Variants in HSPA12A observed in about 807,000 individuals in gnomAD.
HSPA12A encodes the protein heat shock 70 kDa protein 12A.
Under a neutral mutation model 69.2 loss-of-function variants are expected in HSPA12A, and 28 were observed. The observed-to-expected ratio is 0.40, with a 90% confidence interval of 0.30 to 0.55. The LOEUF is 0.55. Among genes scored for constraint, HSPA12A ranks in the 20% least tolerant of loss-of-function variants. HSPA12A has a pLI of 0.38. For synonymous variants in HSPA12A, 345 were observed against 370.5 expected, an observed-to-expected ratio of 0.93 and a Z score of 0.79; for missense variants, 686 against 900.7, an observed-to-expected ratio of 0.76 and a Z score of 3.05.
At chr10:116,810,782 G>A (rs568003130) in intron 2 of HSPA12A, among the ~76,000 whole-genome samples, 60 of 152,304 alleles carry the variant, frequency 3.9e-4, no homozygotes, top group Middle Eastern at 3.4e-3. Context: ...TTGAGAACCA[G>A]TGCGCTAATC....
Position 116,798,588 on chromosome 10 carries a change from G to T in HSPA12A, c.91+36347C>A, listed in dbSNP as rs1905546. On this transcript the variant is annotated intron_variant, in intron 2 of 12. Coordinates refer to the HSPA12A transcript ENST00000635765. ...GAGGAAGTAGAGGATGGGATGGGGT[G>T]GGGGGTGAAGGACCGACATGCTCAC... Among the ~76,000 whole-genome samples the T allele has an allele frequency of 4.0e-3, 613 of 152,190 alleles. 3 individuals carry two copies. Among genetic ancestry groups the T allele is most frequent in the African/African-American group, 0.014 (589 of 41,534 alleles).
In HSPA12A at chr10:116,672,348, C is replaced by T. The variant is rs1022591434; in HGVS notation, c.*2433G>A. On this transcript the variant is annotated 3_prime_UTR_variant, in exon 12 of 12. Coordinates refer to ENST00000369209, the MANE Select transcript of HSPA12A (RefSeq NM_025015.3). ...AGTCACATGGCTTCCAGAACCAGAA[C>T]GTTCAGCTCTTAAAGTCTGCACAGA... 8 of 152,174 alleles carry T rather than the reference C, an allele frequency of 5.3e-5. No homozygotes were observed. Among genetic ancestry groups the T allele is most frequent in the South Asian group, 2.1e-4 (1 of 4,826 alleles). The allele number at this position is 152,174 out of a possible 1,614,324, so 9.4% of individuals were successfully genotyped here. A position where few individuals can be genotyped will look rare whatever the true frequency, so the allele number is the denominator to read the frequency against.
intron 1 of HSPA12A, among the ~76,000 whole-genome samples, chr10:116,726,542 C>A (rs1038981931): frequency 6.6e-6 from 1 of 151,986 alleles, no homozygotes; most frequent in Non-Finnish European, 1.5e-5. Flanking sequence ...GTGAGTGCTC[C>A]CCAAAGGGTT....
intron 2 of HSPA12A, chr10:116,750,439 C>G: frequency 1.7e-6 from 1 of 597,852 alleles, no homozygotes; most frequent in South Asian, 1.8e-5. Flanking sequence ...CCCAATGATT[C>G]CCTGGTTATG....
At position 116,672,588 on chromosome 10, in the gene HSPA12A, C is replaced by T. The variant is rs868979752; in HGVS notation, c.*2193G>A. ...TGCTTAGTGAGCACAATTAAGAAAC[C>T]AAACTATGGAAAATTAAGGACAGTA... On this transcript the variant is annotated 3_prime_UTR_variant, in exon 12 of 12. Transcript: ENST00000369209. 1 of 152,446 alleles carries T rather than the reference C, an allele frequency of 6.6e-6. No homozygotes were observed. Among genetic ancestry groups the T allele is most frequent in the South Asian group, 2.1e-4 (1 of 4,816 alleles). The allele number at this position is 152,446 out of a possible 1,614,324, so 9.4% of individuals were successfully genotyped here.
chr10:116,696,749 C>A (rs1365422363), intron 5 of HSPA12A, among the ~76,000 whole-genome samples: 1 of 152,162 alleles, frequency 6.6e-6, no homozygotes, highest in Non-Finnish European at 1.5e-5. Flanking sequence ...ATCCTGAGCT[C>A]ACGGCATCCT....
chr10:116,741,477 C>G (rs1485358796), intron 1 of HSPA12A, among the ~76,000 whole-genome samples: 1 of 152,242 alleles, frequency 6.6e-6, no homozygotes, highest in Non-Finnish European at 1.5e-5. Flanking sequence ...CGCTCCTCTC[C>G]CCGGCGGCCG....
intron 1 of HSPA12A, among the ~76,000 whole-genome samples, chr10:116,836,347 A>G (rs1845710279): frequency 6.6e-6 from 1 of 152,152 alleles, no homozygotes; most frequent in Non-Finnish European, 1.5e-5. Flanking sequence ...TGGAGGGAGC[A>G]TAGTCATTGT....
At chr10:116,791,113 G>A (rs1256038961) in intron 2 of HSPA12A, among the ~76,000 whole-genome samples, 1 of 152,200 alleles carries the variant, frequency 6.6e-6, no homozygotes, top group African/African-American at 2.4e-5. Flanking sequence ...TGTCTGGCTA[G>A]TGCTGTGTCC....
chr10:116,708,056 G>C (rs1256337844), intron 1 of HSPA12A: 2 of 152,346 alleles, frequency 1.3e-5, no homozygotes, highest in East Asian at 3.9e-4. Flanking sequence ...TTCAGGCCTA[G>C]CATTTTTCTG....
At chr10:116,683,452 T>C (rs1849477616) in intron 7 of HSPA12A, 1 of 186,842 alleles carries the variant, frequency 5.4e-6, no homozygotes, top group African/African-American at 2.3e-5. Flanking sequence ...GCAATGGAAT[T>C]AGATTAAGAA....
chr10:116,801,892 A>G (rs773038818), intron 2 of HSPA12A, among the ~76,000 whole-genome samples: 1 of 152,174 alleles, frequency 6.6e-6, no homozygotes, highest in Non-Finnish European at 1.5e-5. Context: ...GGGTACACCA[A>G]GTATACCCTT....
chr10:116,679,124 A>G (rs1849326920), intron 10 of HSPA12A, among the ~76,000 whole-genome samples: 1 of 152,188 alleles, frequency 6.6e-6, no homozygotes, highest in South Asian at 2.1e-4. Context: ...ACAAATATTT[A>G]TTGAGCACCT....
At chr10:116,694,092 T>A (rs1228159536) in intron 5 of HSPA12A, among the ~76,000 whole-genome samples, 1 of 152,198 alleles carries the variant, frequency 6.6e-6, no homozygotes, top group Non-Finnish European at 1.5e-5. Context: ...CATGAGGGGC[T>A]TCCTTGAGCT....
intron 1 of HSPA12A, among the ~76,000 whole-genome samples, chr10:116,845,372 T>C (rs1238009209): frequency 1.3e-5 from 2 of 152,202 alleles, no homozygotes; most frequent in Non-Finnish European, 2.9e-5. Flanking sequence ...TTTACTGACA[T>C]AGATGGATCT....
rs781912241 is a variant in HSPA12A at position 116,674,963 on chromosome 10, G to C, written c.1846C>G (p.Pro616Ala). Residue 616 changes from proline (P) to alanine (A), a missense_variant, in exon 12 of 12, where the codon CCC becomes GCC. Pro to Ala is a conservative substitution (Grantham distance 27). Coordinates refer to ENST00000369209, the MANE Select transcript of HSPA12A (RefSeq NM_025015.3). Reference sequence around the variant, plus strand: ...AGCGTGCCACACTTCTTCACCCCGGGATCAGTGATGAAGCTGACGTTGTCG... The same window carrying C: ...AGCGTGCCACACTTCTTCACCCCGGCATCAGTGATGAAGCTGACGTTGTCG... ...EHDNVSFITD[P>A]GVKKCGTLRL... 1.5e-5 allele frequency: 25 copies of C among 1,614,058 alleles called. No individual in the cohort carries two copies. The highest frequency in any genetic ancestry group is 1.9e-5 in the Non-Finnish European group (23 of 1,180,036).
chr10:116,690,208 T>G (rs1347713688), intron 6 of HSPA12A, among the ~76,000 whole-genome samples: 1 of 152,200 alleles, frequency 6.6e-6, no homozygotes, highest in African/African-American at 2.4e-5. Flanking sequence ...CAGCAAAGTC[T>G]GCAGAGCAAC....
At chr10:116,816,241 G>A (rs1013136088) in intron 2 of HSPA12A, among the ~76,000 whole-genome samples, 1 of 152,166 alleles carries the variant, frequency 6.6e-6, no homozygotes, top group Non-Finnish European at 1.5e-5. Context: ...CATTCTTTCT[G>A]CCACATTCAT....
At chr10:116,732,588 G>C (rs539279958) in intron 1 of HSPA12A, among the ~76,000 whole-genome samples, 1 of 152,350 alleles carries the variant, frequency 6.6e-6, no homozygotes, top group Admixed American at 6.5e-5. Context: ...ACTGTCAAGT[G>C]AGGGAACACA....
Sources: allele counts gnomAD v4.1 joint callset (sites outside exome capture counted in the v4.1 genomes callset), GRCh38; gene constraint gnomAD v4.1.1; transcripts MANE v1.5; gene names NCBI Gene and HGNC (gene_info 2026-07-23, HGNC 2026-07-21).